Variants in ABCA13 observed in about 807,000 individuals in gnomAD.
The protein encoded by ABCA13 is ATP-binding cassette sub-family A member 13.
Under a neutral mutation model 478.7 loss-of-function variants are expected in ABCA13, and 476 were observed. That is an observed-to-expected ratio of 0.99 (90% CI 0.92 to 1.07). The LOEUF (loss-of-function observed/expected upper bound fraction) is 1.07. Among genes scored for constraint, ABCA13 ranks in the 50% least tolerant of loss-of-function variants. The pLI is 0.00. For synonymous variants in ABCA13, 2,252 were observed against 2,158.9 expected, an observed-to-expected ratio of 1.04 and a Z score of -1.20; for missense variants, 6,060 against 5,910.6, an observed-to-expected ratio of 1.03 and a Z score of -0.83.
At chr7:48,568,943 A>G (rs1001350375) in intron 55 of ABCA13, among the ~76,000 whole-genome samples, 1 of 151,780 alleles carries the variant, frequency 6.6e-6, no homozygotes. Context: ...CTATTAAAAA[A>G]TTTTCCATTT....
intron 23 of ABCA13, among the ~76,000 whole-genome samples, chr7:48,307,695 T>TTTA (rs1801113067): frequency 6.6e-6 from 1 of 152,196 alleles, no homozygotes; most frequent in African/African-American, 2.4e-5. Flanking sequence ...TTATTTATTT[T>TTTA]TTTAAGACAG....
chr7:48,624,073 T>C (rs1293105985), intron 59 of ABCA13, among the ~76,000 whole-genome samples: 2 of 151,504 alleles, frequency 1.3e-5, no homozygotes, highest in Non-Finnish European at 2.9e-5. Context: ...TGTGTGTGTG[T>C]GTGTGTGTGT....
At position 48,376,486 on chromosome 7, in the gene ABCA13, T is replaced by TGACATTTGG; in HGVS notation, c.11250_11258dup (p.Thr3751_Gly3753dup). 6.2e-7 allele frequency: 1 copy of TGACATTTGG among 1,613,942 alleles called. No individual in the cohort carries two copies. Among genetic ancestry groups the TGACATTTGG allele is most frequent in the African/African-American group, 1.3e-5 (1 of 75,056 alleles). On this transcript the variant is annotated inframe_insertion, in exon 35 of 62. Transcript: ENST00000435803. Reference sequence around the variant, plus strand: ...TACCAGGCTCTGGAACAAGGGGGCATGACATTTGGCTGGGTTTGCTGGATG... The same window carrying TGACATTTGG: ...TACCAGGCTCTGGAACAAGGGGGCATGACATTTGGGACATTTGGCTGGGTTTGCTGGATG...
chr7:48,509,389 ACTTTCC>A (rs1232366894), intron 50 of ABCA13, among the ~76,000 whole-genome samples: 2 of 152,216 alleles, frequency 1.3e-5, no homozygotes, highest in African/African-American at 4.8e-5. Flanking sequence ...AAGGGCCACA[ACTTTCC>A]CAGATAAAAG....
intron 15 of ABCA13, among the ~76,000 whole-genome samples, chr7:48,267,808 A>G (rs1795065257): frequency 6.6e-6 from 1 of 152,112 alleles, no homozygotes; most frequent in African/African-American, 2.4e-5. Flanking sequence ...TTTATGGGTC[A>G]TATTTTTCTG....
chr7:48,177,749 C>G (rs1173774458), intron 1 of ABCA13, among the ~76,000 whole-genome samples: 2 of 152,212 alleles, frequency 1.3e-5, no homozygotes, highest in African/African-American at 4.8e-5. Flanking sequence ...ACCAAGGGCT[C>G]TTTAATAAAA....
At chr7:48,410,214 A>G (rs1028251893) in intron 39 of ABCA13, among the ~76,000 whole-genome samples, 1 of 151,774 alleles carries the variant, frequency 6.6e-6, no homozygotes. Flanking sequence ...CTTCAAAGAC[A>G]GAGAGAACAG....
rs543871530 is a variant in ABCA13, at chr7:48,408,330, A to G, written c.12071-2190A>G. On this transcript the variant is annotated intron_variant, in intron 39 of 61. Coordinates refer to ENST00000435803, the MANE Select transcript of ABCA13 (RefSeq NM_152701.5). ...TAGATTCTAGTTGACTTTTATTTTT[A>G]GACTTCATTGTATGGGAATGTATCA... 6.2e-4 allele frequency among the ~76,000 whole-genome samples: 92 copies of G among 148,944 alleles called. 1 individual carries two copies. Among genetic ancestry groups the G allele is most frequent in the African/African-American group, 2.1e-3 (87 of 41,068 alleles).
At chr7:48,508,632 A>G (rs374922504) in intron 50 of ABCA13, among the ~76,000 whole-genome samples, 9 of 152,182 alleles carry the variant, frequency 5.9e-5, no homozygotes, top group African/African-American at 9.7e-5. Flanking sequence ...TTAGTGGTCA[A>G]TATCTACTGT....
Position 48,275,957 on chromosome 7 carries a change from A to G in ABCA13, c.6291A>G (p.Ile2097Met). ...TAAATTCAATGGCTCTTCAAAAGATAACTTTGCAGTTTGCCCATTTCCTGG... is the reference window on the plus strand; with the variant it reads ...TAAATTCAATGGCTCTTCAAAAGATGACTTTGCAGTTTGCCCATTTCCTGG... ...KSINSMALQKITLQFAHFLEI... is the reference protein window; with the variant it reads ...KSINSMALQKMTLQFAHFLEI... The change falls in exon 17 of 62, where the codon ATA becomes ATG. Residue 2097 changes from isoleucine (I) to methionine (M), a missense_variant. Ile to Met is a conservative substitution (Grantham distance 10). Transcript: ENST00000435803. 1 of 1,613,700 alleles carries G rather than the reference A, an allele frequency of 6.2e-7. No homozygotes were observed. Among genetic ancestry groups the G allele is most frequent in the Non-Finnish European group, 8.5e-7 (1 of 1,179,818 alleles).
intron 27 of ABCA13, among the ~76,000 whole-genome samples, chr7:48,323,080 C>G (rs191476297): frequency 2.0e-5 from 3 of 152,162 alleles, no homozygotes; most frequent in African/African-American, 7.2e-5. Context: ...GCAGTTTGTT[C>G]GTCCATTCAC....
chr7:48,617,605 T>TC (rs1792713881), intron 59 of ABCA13, among the ~76,000 whole-genome samples: 1 of 151,886 alleles, frequency 6.6e-6, no homozygotes, highest in Non-Finnish European at 1.5e-5. Context: ...AGAGACCAGC[T>TC]CCCCTTGGGA....
At chr7:48,637,381 C>CAAAAAAAAAAAAAAAAAAAAAAAAAAA (rs1156643955) in intron 59 of ABCA13, among the ~76,000 whole-genome samples, 2 of 20,256 alleles carry the variant, frequency 9.9e-5, no homozygotes, top group Non-Finnish European at 8.6e-5. Flanking sequence ...GTTCATAAAG[C>CAAAAAAAAAAAAAAAAAAAAAAAAAAA]AAAAAAAAAA....
chr7:48,274,442 T>G lies in ABCA13; in HGVS notation c.4776T>G (p.Ser1592Arg), dbSNP rs1796025975. 8.7e-6 allele frequency: 14 copies of G among 1,613,680 alleles called. No homozygotes were observed. Among genetic ancestry groups the G allele is most frequent in the Non-Finnish European group, 1.2e-5 (14 of 1,179,802 alleles). Reference protein sequence around the residue: ...ATSPKEKDVNSVGNSIYHLAS... With the variant: ...ATSPKEKDVNRVGNSIYHLAS... The stretch of plus-strand genomic sequence containing the variant: ...GTCCAAAAGAAAAGGATGTAAACAG[T>G]GTAGGCAATTCCATTTATCACTTAG... Residue 1592 changes from serine to arginine, a missense_variant, in exon 17 of 62, where the codon AGT becomes AGG. Transcript: ENST00000435803.
In ABCA13 at chr7:48,191,511, C is replaced by T. The variant is rs374320493; in HGVS notation, c.70-1448C>T. ...CTCCACCTCCCGGGTTCAAGTGATT[C>T]TCCTGTCTCAGCTTTCTGAGTAGCT... On this transcript the variant is annotated intron_variant, in intron 1 of 61. Coordinates refer to ENST00000435803, the MANE Select transcript of ABCA13 (RefSeq NM_152701.5). 2.0e-4 allele frequency among the ~76,000 whole-genome samples: 31 copies of T among 152,360 alleles called. No individual in the cohort carries two copies. In the East Asian group the frequency reaches 6.0e-3, roughly 29 times the overall value.
At chr7:48,331,952 T>G (rs564120698) in intron 27 of ABCA13, among the ~76,000 whole-genome samples, 2 of 152,344 alleles carry the variant, frequency 1.3e-5, no homozygotes, top group East Asian at 1.9e-4. Flanking sequence ...TTCATTTCTA[T>G]AATTTTGTCA....
intron 8 of ABCA13, among the ~76,000 whole-genome samples, chr7:48,236,909 G>A (rs116038044): frequency 3.1e-3 from 470 of 151,986 alleles, no homozygotes; most frequent in African/African-American, 0.011. Context: ...CATTGAGACT[G>A]CAGTATTGCA....
chr7:48,410,577 G>A lies in ABCA13; in HGVS notation c.12128G>A (p.Arg4043His), dbSNP rs766530816. ...GATGAAGCTGAAGCGCTGAGTGACC[G>A]CGTGGCCGTCCTCCAGCATGGGAGG... ...HLDEAEALSD[R>H]VAVLQHGRLR... Residue 4043 changes from arginine to histidine, a missense_variant, in exon 40 of 62, where the codon CGC (arginine) becomes CAC (histidine). Physicochemically the swap from Arg to His is conservative, Grantham distance 29. Around this residue, in one of 3 missense-constraint regions of ABCA13, gnomAD observed 1,627 missense variants for 1,571.0 expected, o/e 1.04. Transcript: ENST00000435803. 7 of 1,614,026 alleles carry A rather than the reference G, an allele frequency of 4.3e-6. No homozygotes were observed. The highest frequency in any genetic ancestry group is 3.3e-5 in the Admixed American group (2 of 60,034).
chr7:48,290,743 G>A (rs912789779), intron 20 of ABCA13, among the ~76,000 whole-genome samples: 17 of 152,106 alleles, frequency 1.1e-4, no homozygotes, highest in African/African-American at 4.1e-4. Flanking sequence ...CCCTCATGCA[G>A]TAGGTTTAAT....
Sources: gnomAD v4.1 joint callset for allele counts (sites outside exome capture counted in the v4.1 genomes callset) on GRCh38, gnomAD v4.1.1 for gene constraint, gnomAD v4.1.1 regional missense constraint, MANE v1.5 for transcripts, NCBI Gene and HGNC (gene_info 2026-07-23, HGNC 2026-07-21) for gene names.